Variants in COL8A1 observed in about 807,000 individuals in gnomAD.
COL8A1 encodes collagen type VIII alpha 1 chain.
A neutral mutation model predicts 42.7 loss-of-function variants in COL8A1; 21 were observed. The observed-to-expected ratio is 0.49, with a 90% confidence interval of 0.35 to 0.71. COL8A1 has a LOEUF of 0.71. Among genes scored for constraint, COL8A1 ranks in the 30% least tolerant of loss-of-function variants. COL8A1 has a pLI of 0.01. For missense variants in COL8A1, 788 were observed against 962.4 expected, an observed-to-expected ratio of 0.82 and a Z score of 2.40; for synonymous variants, 367 against 369.1, an observed-to-expected ratio of 0.99 and a Z score of 0.06.
intron 1 of COL8A1, among the ~76,000 whole-genome samples, chr3:99,739,629 C>A (rs989805472): frequency 2.0e-5 from 3 of 152,198 alleles, no homozygotes; most frequent in Non-Finnish European, 4.4e-5. Flanking sequence ...AAGCCACGGC[C>A]CAAGCTGTAC....
At chr3:99,743,535 T>C (rs1156279531) in intron 1 of COL8A1, among the ~76,000 whole-genome samples, 1 of 152,192 alleles carries the variant, frequency 6.6e-6, no homozygotes. Flanking sequence ...TCATTTTGTG[T>C]TGAGTACCAA....
intron 1 of COL8A1, chr3:99,685,313 T>G (rs2107327487): frequency 6.6e-6 from 1 of 152,306 alleles, no homozygotes; most frequent in Middle Eastern, 3.4e-3. Flanking sequence ...TGCCATACAT[T>G]TCAGGCTTCT....
At chr3:99,723,772 CTT>C (rs1410744012) in intron 1 of COL8A1, among the ~76,000 whole-genome samples, 2 of 152,130 alleles carry the variant, frequency 1.3e-5, no homozygotes, top group African/African-American at 4.8e-5. Context: ...CAAAGGAAAA[CTT>C]TCTCTCCTAA....
intron 2 of COL8A1, among the ~76,000 whole-genome samples, chr3:99,767,566 A>G (rs1941487543): frequency 6.6e-6 from 1 of 152,172 alleles, no homozygotes; most frequent in Non-Finnish European, 1.5e-5. Flanking sequence ...CCTTTCATTC[A>G]CCCGTGATGA....
intron 2 of COL8A1, among the ~76,000 whole-genome samples, chr3:99,778,038 A>G (rs1006600031): frequency 6.6e-6 from 1 of 152,236 alleles, no homozygotes; most frequent in Non-Finnish European, 1.5e-5. Context: ...TGTGGCCCAC[A>G]AAACAGACTA....
chr3:99,717,874 T>G (rs1433790911), intron 1 of COL8A1, among the ~76,000 whole-genome samples: 1 of 152,008 alleles, frequency 6.6e-6, no homozygotes, highest in Non-Finnish European at 1.5e-5. Flanking sequence ...CTCTAAATAT[T>G]TTATTATTGT....
chr3:99,778,010 A>T (rs1440297353), intron 2 of COL8A1, among the ~76,000 whole-genome samples: 1 of 152,234 alleles, frequency 6.6e-6, no homozygotes, highest in Non-Finnish European at 1.5e-5. Context: ...AGCAAGAGAC[A>T]GAAATTCATG....
At chr3:99,731,258 A>G (rs1279865447) in intron 1 of COL8A1, among the ~76,000 whole-genome samples, 1 of 152,304 alleles carries the variant, frequency 6.6e-6, no homozygotes, top group East Asian at 1.9e-4. Flanking sequence ...TTGGATGTTC[A>G]AGAAAAACCT....
intron 2 of COL8A1, among the ~76,000 whole-genome samples, chr3:99,749,908 C>T (rs1017623211): frequency 6.6e-6 from 1 of 151,756 alleles, no homozygotes; most frequent in Non-Finnish European, 1.5e-5. Context: ...GTTTTATAAA[C>T]TTTTATACAA....
At chr3:99,681,808 A>G (rs747137482) in intron 1 of COL8A1, among the ~76,000 whole-genome samples, 3 of 152,192 alleles carry the variant, frequency 2.0e-5, no homozygotes, top group Non-Finnish European at 4.4e-5. Flanking sequence ...GGCTTGTGCT[A>G]AGTATATTAC....
intron 1 of COL8A1, among the ~76,000 whole-genome samples, chr3:99,664,731 A>G (rs1302458985): frequency 6.6e-6 from 1 of 152,208 alleles, no homozygotes; most frequent in Non-Finnish European, 1.5e-5. Context: ...TAAAAATTGT[A>G]TTCAACCTGC....
intron 2 of COL8A1, among the ~76,000 whole-genome samples, chr3:99,780,917 T>G (rs934196493): frequency 2.6e-5 from 4 of 152,150 alleles, no homozygotes; most frequent in African/African-American, 9.7e-5. Context: ...TAGCTGTGGT[T>G]TGGTTGCTCT....
chr3:99,728,246 T>A (rs917124340), intron 1 of COL8A1, among the ~76,000 whole-genome samples: 2 of 152,030 alleles, frequency 1.3e-5, no homozygotes, highest in Non-Finnish European at 2.9e-5. Flanking sequence ...GAAAACCCCA[T>A]TGTCTCAGCC....
chr3:99,722,386 A>G (rs889540560), intron 1 of COL8A1, among the ~76,000 whole-genome samples: 1 of 152,132 alleles, frequency 6.6e-6, no homozygotes, highest in Non-Finnish European at 1.5e-5. Context: ...GCATGTGCAA[A>G]AACCCACCAA....
chr3:99,737,763 A>T (rs1256478984), intron 1 of COL8A1, among the ~76,000 whole-genome samples: 1 of 151,976 alleles, frequency 6.6e-6, no homozygotes, highest in African/African-American at 2.4e-5. Context: ...CTGAATCTGA[A>T]CGTTGGCCTG....
intron 1 of COL8A1, among the ~76,000 whole-genome samples, chr3:99,705,525 C>T (rs1939657308): frequency 1.3e-5 from 2 of 152,106 alleles, no homozygotes; most frequent in African/African-American, 4.8e-5. Context: ...TATTTCTCTC[C>T]CTTTCTTTGT....
At chr3:99,780,814 C>G (rs1941780365) in intron 2 of COL8A1, among the ~76,000 whole-genome samples, 1 of 152,102 alleles carries the variant, frequency 6.6e-6, no homozygotes, top group Non-Finnish European at 1.5e-5. Flanking sequence ...ACTGTGAAAA[C>G]CTTATGATTT....
intron 1 of COL8A1, among the ~76,000 whole-genome samples, chr3:99,668,194 A>C (rs1449265809): frequency 2.6e-5 from 4 of 152,136 alleles, no homozygotes; most frequent in Admixed American, 2.6e-4. Context: ...TCTGGCTAAA[A>C]CAAAACAAAT....
At chr3:99,666,014 T>C (rs949410555) in intron 1 of COL8A1, among the ~76,000 whole-genome samples, 2 of 152,054 alleles carry the variant, frequency 1.3e-5, no homozygotes, top group Admixed American at 1.3e-4. Flanking sequence ...GATAGAGCAG[T>C]AGGTGCCTGA....
Sources: gnomAD v4.1 joint callset for allele counts (sites outside exome capture counted in the v4.1 genomes callset) on GRCh38, gnomAD v4.1.1 for gene constraint, MANE v1.5 for transcripts, NCBI Gene and HGNC (gene_info 2026-07-23, HGNC 2026-07-21) for gene names.